EXOG: variants seen among roughly 807,000 people sequenced by gnomAD.
EXOG encodes nuclease EXOG, mitochondrial.
In EXOG, 27 loss-of-function variants were observed where a neutral mutation model predicts 25.8. The ratio of observed to expected loss-of-function variants is 1.05; its 90% CI spans 0.77 to 1.45. EXOG has a LOEUF of 1.45. Among genes scored for constraint, EXOG ranks in the 40% most tolerant of loss-of-function variants. The pLI is 0.00. For synonymous variants in EXOG, 133 were observed against 167.0 expected, an observed-to-expected ratio of 0.80 and a Z score of 1.57; for missense variants, 458 against 450.5, an observed-to-expected ratio of 1.02 and a Z score of -0.15.
chr3:38,515,235 G>A (rs903763975), intron 5 of EXOG, among the ~76,000 whole-genome samples: 32 of 152,274 alleles, frequency 2.1e-4, no homozygotes, highest in African/African-American at 7.7e-4. Flanking sequence ...AAGTTCTCTA[G>A]AGTAGTTTTA....
intron 3 of EXOG, among the ~76,000 whole-genome samples, chr3:38,502,462 A>G (rs1559677212): frequency 6.6e-6 from 1 of 152,188 alleles, no homozygotes; most frequent in Non-Finnish European, 1.5e-5. Flanking sequence ...AGTACAACAA[A>G]CATTGATACA....
At chr3:38,508,864 C>G in intron 5 of EXOG, among the ~76,000 whole-genome samples, 1 of 152,150 alleles carries the variant, frequency 6.6e-6, no homozygotes, top group East Asian at 1.9e-4. Context: ...TCTTTTTCCA[C>G]ACAAAATTAT....
intron 2 of EXOG, among the ~76,000 whole-genome samples, chr3:38,499,478 A>G (rs1386438296): frequency 1.3e-5 from 2 of 152,248 alleles, no homozygotes; most frequent in African/African-American, 4.8e-5. Flanking sequence ...AATAGAGCCA[A>G]TTAATATTAT....
intron 3 of EXOG, among the ~76,000 whole-genome samples, chr3:38,503,364 C>T (rs141324428): frequency 3.5e-4 from 53 of 152,262 alleles, no homozygotes; most frequent in Middle Eastern, 3.4e-3. Flanking sequence ...TCTTAGAATT[C>T]ACGTTATAGG....
intron 5 of EXOG, among the ~76,000 whole-genome samples, chr3:38,516,002 G>C (rs913843835): frequency 6.6e-5 from 10 of 152,048 alleles, no homozygotes; most frequent in African/African-American, 2.2e-4. Flanking sequence ...CTACTTAAGG[G>C]GTGGTAAAAA....
chr3:38,511,131 G>C (rs2060357017), intron 5 of EXOG, among the ~76,000 whole-genome samples: 1 of 152,140 alleles, frequency 6.6e-6, no homozygotes, highest in Non-Finnish European at 1.5e-5. Context: ...TTATATTCTT[G>C]ATTACTTTCT....
rs1384437050 is a variant in EXOG at position 38,512,117 on chromosome 3, TTA to T, written c.645+5151_645+5152del. 2.0e-5 allele frequency among the ~76,000 whole-genome samples: 3 copies of T among 152,334 alleles called. No homozygotes were observed. The South Asian group carries it at 6.2e-4, about 32-fold the overall frequency. On this transcript the variant is annotated intron_variant, in intron 5 of 5. Transcript: ENST00000287675. ...ATGCTTTTGAGTTCATGAGTTCATG[TTA>T]TGTTAGGAGTTGTGAAATTAGATAC...
intron 4 of EXOG, chr3:38,505,378 T>C (rs1181158895): frequency 6.6e-6 from 1 of 152,152 alleles, no homozygotes; most frequent in Admixed American, 6.5e-5. Flanking sequence ...TGTGGAAGCA[T>C]TTAACATTTT....
At chr3:38,509,994 A>G (rs914057351) in intron 5 of EXOG, among the ~76,000 whole-genome samples, 1 of 152,228 alleles carries the variant, frequency 6.6e-6, no homozygotes, top group Non-Finnish European at 1.5e-5. Flanking sequence ...TACATAATCT[A>G]AAAGTATCTC....
At chr3:38,521,141 G>A (rs2125801648) in intron 5 of EXOG, among the ~76,000 whole-genome samples, 1 of 152,316 alleles carries the variant, frequency 6.6e-6, no homozygotes, top group African/African-American at 2.4e-5. Flanking sequence ...TGCTTCCTAA[G>A]AACAAAGCAG....
At chr3:38,519,956 C>T (rs543375860) in intron 5 of EXOG, among the ~76,000 whole-genome samples, 3 of 152,248 alleles carry the variant, frequency 2.0e-5, no homozygotes, top group Non-Finnish European at 2.9e-5. Context: ...TTCACTTGAT[C>T]GGCATGACTT....
chr3:38,516,606 C>T (rs545536693), intron 5 of EXOG, among the ~76,000 whole-genome samples: 1 of 152,044 alleles, frequency 6.6e-6, no homozygotes, highest in Admixed American at 6.6e-5. Flanking sequence ...TTATCAAATT[C>T]GTGAAAAAAC....
chr3:38,501,564 T>TA (rs1224087411), intron 3 of EXOG, 70 bp downstream of exon 3: 1 of 1,419,122 alleles, frequency 7.0e-7, no homozygotes. Flanking sequence ...ATTAGAGGTT[T>TA]AAAAACCTAG....
chr3:38,508,773 T>C (rs918900823), intron 5 of EXOG, among the ~76,000 whole-genome samples: 3 of 150,622 alleles, frequency 2.0e-5, no homozygotes, highest in African/African-American at 4.9e-5. Context: ...ACTTGCTTAT[T>C]ATCAGCCTGT....
intron 2 of EXOG, chr3:38,499,113 G>T: frequency 3.6e-5 from 12 of 331,770 alleles, no homozygotes; most frequent in South Asian, 5.0e-5. Flanking sequence ...ATTTCAGTTG[G>T]GGTATTCTCT....
At chr3:38,504,201 A>G (rs1161081404) in intron 4 of EXOG, among the ~76,000 whole-genome samples, 2 of 151,960 alleles carry the variant, frequency 1.3e-5, no homozygotes, top group Non-Finnish European at 2.9e-5. Flanking sequence ...CCTTGTCTCT[A>G]CTAAAAATTT....
In EXOG at chr3:38,525,037, C is replaced by T. The variant is rs1162049894; in HGVS notation, c.*675C>T. On this transcript the variant is annotated 3_prime_UTR_variant, in exon 6 of 6. Coordinates refer to ENST00000287675, the MANE Select transcript of EXOG (RefSeq NM_005107.4). The stretch of plus-strand genomic sequence containing the variant: ...TATATATTTGTTTCTTTTTTCTCCT[C>T]TCATGAATCTGCTCGTTTCTCTACT... 4.1e-6 allele frequency: 4 copies of T among 985,192 alleles called. No homozygotes were observed. In the African/African-American group the frequency reaches 7.0e-5, roughly 17 times the overall value. The allele number at this position is 985,192 out of a possible 1,614,324, so 61.0% of individuals were successfully genotyped here. A position where few individuals can be genotyped will look rare whatever the true frequency, so the allele number is the denominator to read the frequency against.
intron 2 of EXOG, among the ~76,000 whole-genome samples, chr3:38,500,927 A>G (rs753455290): frequency 6.6e-6 from 1 of 152,206 alleles, no homozygotes; most frequent in Non-Finnish European, 1.5e-5. Flanking sequence ...TTTTGTGTCT[A>G]TATATATCCA....
At chr3:38,517,015 C>T (rs2060566097) in intron 5 of EXOG, among the ~76,000 whole-genome samples, 2 of 152,106 alleles carry the variant, frequency 1.3e-5, no homozygotes, top group African/African-American at 4.8e-5. Context: ...GTGGTGTCTA[C>T]CAGGTTTTTT....
Sources: gnomAD v4.1 joint callset for allele counts (sites outside exome capture counted in the v4.1 genomes callset) on GRCh38, gnomAD v4.1.1 for gene constraint, MANE v1.5 for transcripts, NCBI Gene and HGNC (gene_info 2026-07-23, HGNC 2026-07-21) for gene names.